Variants in ABCA13 observed in about 807,000 individuals in gnomAD.
ABCA13 encodes the protein ATP-binding cassette sub-family A member 13.
ABCA13 carries 476 observed loss-of-function variants against 478.7 expected under a neutral mutation model. The observed-to-expected ratio is 0.99, with a 90% CI of 0.92 to 1.07. The LOEUF (loss-of-function observed/expected upper bound fraction) is 1.07, where lower values mean the gene tolerates loss of function less well. Among genes scored for constraint, ABCA13 ranks in the 50% least tolerant of loss-of-function variants. The pLI, the probability that ABCA13 is intolerant of heterozygous loss-of-function variation, is 0.00. For synonymous variants in ABCA13, 2,252 were observed against 2,158.9 expected (o/e 1.04, Z -1.20); for missense variants, 6,060 against 5,910.6 (o/e 1.03, Z -0.83).
chr7:48,645,075 A>G (rs1795354739), intron 61 of ABCA13, among the ~76,000 whole-genome samples: 1 of 152,200 alleles, frequency 6.6e-6, no homozygotes, highest in Admixed American at 6.5e-5. Flanking sequence ...CTTCACTGTA[A>G]TCAAATGATA....
intron 58 of ABCA13, among the ~76,000 whole-genome samples, chr7:48,601,963 C>G (rs914671466): frequency 6.6e-6 from 1 of 152,214 alleles, no homozygotes; most frequent in Non-Finnish European, 1.5e-5. Flanking sequence ...TTGCATTTCT[C>G]TAATGACCAG....
chr7:48,454,959 C>T, intron 42 of ABCA13, 78 bp from the exon 43 acceptor site: 1 of 1,424,502 alleles, frequency 7.0e-7, no homozygotes, highest in African/African-American at 1.4e-5. Flanking sequence ...CGCAGGGTCA[C>T]CGAGAGGGCA....
intron 42 of ABCA13, among the ~76,000 whole-genome samples, chr7:48,445,267 C>T (rs775312065): frequency 6.6e-5 from 10 of 152,150 alleles, no homozygotes; most frequent in Non-Finnish European, 1.0e-4. Context: ...CCTCAGTCTC[C>T]CAAAGTGCTG....
intron 1 of ABCA13, among the ~76,000 whole-genome samples, chr7:48,189,807 A>G (rs1796857584): frequency 6.6e-6 from 1 of 152,250 alleles, no homozygotes; most frequent in African/African-American, 2.4e-5. Context: ...TGAAAGATTT[A>G]GACAATAAAA....
chr7:48,229,369 G>A lies in ABCA13; in HGVS notation c.633-456G>A, dbSNP rs192580010. On this transcript the variant is annotated intron_variant, in intron 6 of 61. Transcript: ENST00000435803. The stretch of plus-strand genomic sequence containing the variant: ...GATCCATAGGTTAAGACAGGGTGGA[G>A]GATTGAGGTACATGGTATTGCCCCC... Among the ~76,000 whole-genome samples the A allele has an allele frequency of 4.1e-3, 625 of 152,308 alleles. 1 individual carries two copies. Among genetic ancestry groups the A allele is most frequent in the South Asian group, 0.019 (90 of 4,828 alleles).
chr7:48,389,379 T>C (rs1363791629), intron 37 of ABCA13, among the ~76,000 whole-genome samples, 159 bp downstream of exon 37: 1 of 152,148 alleles, frequency 6.6e-6, no homozygotes, highest in South Asian at 2.1e-4. Flanking sequence ...CCCTCATGAG[T>C]GCCCGTGTGA....
chr7:48,404,003 A>T, intron 39 of ABCA13, 124 bp downstream of exon 39: 3 of 1,216,522 alleles, frequency 2.5e-6, no homozygotes, highest in Non-Finnish European at 3.5e-6. Flanking sequence ...TCAGAAAAAT[A>T]TAAATTTTTA....
At chr7:48,205,258 G>A (rs532344106) in intron 3 of ABCA13, among the ~76,000 whole-genome samples, 3 of 151,944 alleles carry the variant, frequency 2.0e-5, no homozygotes, top group Admixed American at 6.5e-5. Context: ...CCTTTCACCC[G>A]CTGGTCTGGA....
At chr7:48,607,019 G>A (rs913821099) in intron 58 of ABCA13, among the ~76,000 whole-genome samples, 5 of 152,162 alleles carry the variant, frequency 3.3e-5, no homozygotes, top group Admixed American at 1.3e-4. Flanking sequence ...GTGAAACCGC[G>A]TACTGAAGCC....
chr7:48,558,258 T>C (rs560493464), intron 55 of ABCA13, among the ~76,000 whole-genome samples: 4 of 149,376 alleles, frequency 2.7e-5, no homozygotes, highest in African/African-American at 7.4e-5. Context: ...TTTTCTTTTT[T>C]TTTTTTTGAC....
In ABCA13 at chr7:48,172,784, C is replaced by A. The variant is rs1203195741; in HGVS notation, c.69+1232C>A. 1.6e-4 allele frequency among the ~76,000 whole-genome samples: 17 copies of A among 107,184 alleles called. No homozygotes were observed. The Admixed American group carries it at 2.5e-3, about 16-fold the overall frequency. 70.3% of individuals were successfully genotyped at this position (107,184 alleles called of 152,430 possible). A position where few individuals can be genotyped will look rare whatever the true frequency, so the allele number is the denominator to read the frequency against. On this transcript the variant is annotated intron_variant, in intron 1 of 61. Coordinates refer to ENST00000435803, the MANE Select transcript of ABCA13 (RefSeq NM_152701.5). The stretch of plus-strand genomic sequence containing the variant: ...CTGCACTCCAGCCTGGGCGACAGAG[C>A]GAGACTCCGTCTCAAAAAAAAAAAA...
intron 19 of ABCA13, among the ~76,000 whole-genome samples, chr7:48,283,580 T>C (rs1797335126): frequency 6.6e-6 from 1 of 152,080 alleles, no homozygotes; most frequent in Non-Finnish European, 1.5e-5. Context: ...GTAGAAGGAT[T>C]GGATAGGTCA....
At chr7:48,600,841 T>G (rs1411611460) in intron 58 of ABCA13, among the ~76,000 whole-genome samples, 2 of 152,208 alleles carry the variant, frequency 1.3e-5, no homozygotes, top group African/African-American at 4.8e-5. Context: ...TCCATACAAT[T>G]GTCATTTCTG....
At chr7:48,474,483 A>G (rs1381395961) in intron 45 of ABCA13, among the ~76,000 whole-genome samples, 1 of 152,220 alleles carries the variant, frequency 6.6e-6, no homozygotes, top group Non-Finnish European at 1.5e-5. Flanking sequence ...CCATCCAAGC[A>G]TGGTTGCATT....
intron 53 of ABCA13, among the ~76,000 whole-genome samples, chr7:48,522,368 G>T (rs1012629492): frequency 6.6e-6 from 1 of 152,062 alleles, no homozygotes; most frequent in African/African-American, 2.4e-5. Flanking sequence ...TGGGTTGTTT[G>T]CCATGAATTC....
intron 15 of ABCA13, among the ~76,000 whole-genome samples, chr7:48,258,660 G>T (rs1403369284): frequency 6.6e-6 from 1 of 151,902 alleles, no homozygotes; most frequent in Non-Finnish European, 1.5e-5. Flanking sequence ...GTGCAGAAGG[G>T]GTTGGTTTGC....
intron 3 of ABCA13, 107 bp downstream of exon 3, chr7:48,198,467 T>C: frequency 7.8e-7 from 1 of 1,279,866 alleles, no homozygotes; most frequent in Non-Finnish European, 1.1e-6. Flanking sequence ...TCAGAGATCA[T>C]GAGAAGTATA....
intron 3 of ABCA13, among the ~76,000 whole-genome samples, chr7:48,209,903 G>C (rs528219084): frequency 6.6e-6 from 1 of 151,834 alleles, no homozygotes; most frequent in African/African-American, 2.4e-5. Context: ...ATTGCTAAAG[G>C]TTTATCAATT....
intron 29 of ABCA13, among the ~76,000 whole-genome samples, chr7:48,339,346 T>G (rs1806758285): frequency 6.6e-6 from 1 of 152,228 alleles, no homozygotes; most frequent in African/African-American, 2.4e-5. Context: ...CATTACATAA[T>G]TTTTTCAATT....
Sources: gnomAD v4.1 joint callset for allele counts (sites outside exome capture counted in the v4.1 genomes callset) on GRCh38, gnomAD v4.1.1 for gene constraint, MANE v1.5 for transcripts, NCBI Gene and HGNC (gene_info 2026-07-23, HGNC 2026-07-21) for gene names.